The following DENND5A variants were observed in gnomAD, a reference collection of about 807,000 sequenced individuals.
The protein encoded by DENND5A is DENN domain-containing protein 5A.
In DENND5A, 64 loss-of-function variants were observed where a neutral mutation model predicts 140.3. That is an observed-to-expected ratio of 0.46 (90% CI 0.37 to 0.56). The LOEUF is 0.56. Ranked by LOEUF, DENND5A falls within the 20% of genes least tolerant of loss-of-function variation. The pLI is 0.00. For missense variants in DENND5A, 1,292 were observed against 1,593.8 expected (o/e 0.81, Z 3.22); for synonymous variants, 605 against 607.7 (o/e 1.00, Z 0.07).
chr11:9,257,059 G>A (rs1851977197), intron 1 of DENND5A, among the ~76,000 whole-genome samples: 1 of 152,062 alleles, frequency 6.6e-6, no homozygotes, highest in African/African-American at 2.4e-5. Flanking sequence ...CACTCAGGCT[G>A]GAGTGCAGTG....
At chr11:9,214,717 C>T (rs1459304788) in intron 1 of DENND5A, among the ~76,000 whole-genome samples, 3 of 151,918 alleles carry the variant, frequency 2.0e-5, no homozygotes, top group South Asian at 2.1e-4. Flanking sequence ...ACCCACAAGA[C>T]TTTTTTGTTT....
At position 9,204,002 on chromosome 11, in the gene DENND5A, C is replaced by T. The variant is rs763131185; in HGVS notation, c.607G>A (p.Val203Ile). ...SYDISRDTLY[V>I]SKCICLITPM... ...GTGATGAGGCAGATGCACTTAGAGA[C>T]GTAGAGAGTGTCCCGGCTAATGTCA... The change falls in exon 4 of 23, where the codon GTC becomes ATC. Residue 203 changes from valine (V) to isoleucine (I), a missense_variant. By Grantham distance (29) the Val-to-Ile change is conservative. Around this residue, in one of 4 missense-constraint regions of DENND5A, gnomAD observed 566 missense variants for 650.4 expected, o/e 0.87. Coordinates refer to ENST00000328194, the MANE Select transcript of DENND5A (RefSeq NM_015213.4). The T allele has an allele frequency of 5.0e-6, 8 of 1,614,110 alleles. No homozygotes were observed. The highest frequency in any genetic ancestry group is 6.8e-6 in the Non-Finnish European group (8 of 1,180,018).
At chr11:9,247,374 C>CT (rs1851522869) in intron 1 of DENND5A, among the ~76,000 whole-genome samples, 1 of 151,838 alleles carries the variant, frequency 6.6e-6, no homozygotes, top group African/African-American at 2.4e-5. Flanking sequence ...ATAACTGGTT[C>CT]TACTGCACTG....
chr11:9,236,497 A>C (rs1251676147), intron 1 of DENND5A, among the ~76,000 whole-genome samples: 5 of 152,072 alleles, frequency 3.3e-5, no homozygotes, highest in Admixed American at 3.3e-4. Context: ...GCACCACTGC[A>C]CTCCAGCCTG....
In DENND5A at chr11:9,203,849, G is replaced by T. The variant is rs746994477; in HGVS notation, c.760C>A (p.Pro254Thr). 1.2e-6 allele frequency: 2 copies of T among 1,614,058 alleles called. No individual in the cohort carries two copies. Among genetic ancestry groups the T allele is most frequent in the Non-Finnish European group, 1.7e-6 (2 of 1,180,032 alleles). The change falls in exon 4 of 23, where the codon CCA becomes ACA. Residue 254 changes from proline to threonine, a missense_variant. Around this residue, in one of 4 missense-constraint regions of DENND5A, gnomAD observed 566 missense variants for 650.4 expected, o/e 0.87. Transcript: ENST00000328194. ...AACTTCAAGGACCGGCCAGGAGGTGGGAGCGGCACCTCGTAGAGTACGTTG... is the reference window on the plus strand; with the variant it reads ...AACTTCAAGGACCGGCCAGGAGGTGTGAGCGGCACCTCGTAGAGTACGTTG... ...IYNVLYEVPL[P>T]PPGRSLKFSG...
intron 1 of DENND5A, among the ~76,000 whole-genome samples, chr11:9,257,560 C>G (rs1284651278): frequency 2.0e-5 from 3 of 148,750 alleles, no homozygotes; most frequent in Non-Finnish European, 4.4e-5. Context: ...CGGCTCACTG[C>G]AAGCTCCGCC....
intron 1 of DENND5A, among the ~76,000 whole-genome samples, chr11:9,233,059 G>A (rs1850837310): frequency 6.6e-6 from 1 of 152,136 alleles, no homozygotes; most frequent in Admixed American, 6.5e-5. Context: ...GTGGTGAGTG[G>A]GAAGGCAAAT....
Position 9,243,118 on chromosome 11 carries a change from T to TAAAAG in DENND5A, c.109+21842_109+21843insCTTTT. ...AAAAAAAAAAAACAAAAAAAAAAAC[T>TAAAAG]GAGGCGAGTAAGGCTAATTGGAATA... On this transcript the variant is annotated intron_variant, in intron 1 of 22. Transcript: ENST00000328194. Among the ~76,000 whole-genome samples the TAAAAG allele has an allele frequency of 2.6e-5, 2 of 77,500 alleles. 1 individual carries two copies. Among genetic ancestry groups the TAAAAG allele is most frequent in the South Asian group, 9.8e-4 (2 of 2,040 alleles). The allele number at this position is 77,500 out of a possible 152,430, so 50.8% of individuals were successfully genotyped here. A position where few individuals can be genotyped will look rare whatever the true frequency, so the allele number is the denominator to read the frequency against.
At chr11:9,217,531 T>A (rs761326306) in intron 1 of DENND5A, among the ~76,000 whole-genome samples, 1 of 152,004 alleles carries the variant, frequency 6.6e-6, no homozygotes, top group Admixed American at 6.6e-5. Flanking sequence ...AATTAATTAA[T>A]TAATTGCCCA....
chr11:9,255,188 AGAT>A (rs1167660795), intron 1 of DENND5A, among the ~76,000 whole-genome samples: 1 of 152,232 alleles, frequency 6.6e-6, no homozygotes, highest in East Asian at 1.9e-4. Flanking sequence ...ATAAACCAAT[AGAT>A]AAGTATTGGT....
At chr11:9,226,995 C>G (rs963300867) in intron 1 of DENND5A, among the ~76,000 whole-genome samples, 5 of 151,876 alleles carry the variant, frequency 3.3e-5, no homozygotes, top group African/African-American at 9.7e-5. Context: ...ATGGAGAAAC[C>G]CTGTCTCTAC....
At chr11:9,247,742 A>G (rs1851540435) in intron 1 of DENND5A, among the ~76,000 whole-genome samples, 1 of 152,114 alleles carries the variant, frequency 6.6e-6, no homozygotes, top group Non-Finnish European at 1.5e-5. Flanking sequence ...GATGGTAAAT[A>G]TCTCTTTTCA....
intron 4 of DENND5A, among the ~76,000 whole-genome samples, chr11:9,201,109 T>C (rs1395462600): frequency 1.3e-5 from 2 of 152,124 alleles, no homozygotes; most frequent in Non-Finnish European, 2.9e-5. Flanking sequence ...AGAAACACTC[T>C]TCATTATGGT....
intron 17 of DENND5A, 66 bp downstream of exon 17, chr11:9,145,604 A>G: frequency 6.3e-7 from 1 of 1,576,386 alleles, no homozygotes; most frequent in Non-Finnish European, 8.7e-7. Context: ...ACCCTGCAGA[A>G]AACTCCCCAA....
chr11:9,209,336 T>C (rs1257486210), intron 1 of DENND5A, among the ~76,000 whole-genome samples: 2 of 151,848 alleles, frequency 1.3e-5, no homozygotes, highest in African/African-American at 4.8e-5. Flanking sequence ...GAAAGCTGAG[T>C]GATTAAGGGG....
chr11:9,174,493 A>G (rs916748473), intron 8 of DENND5A, among the ~76,000 whole-genome samples: 1 of 150,678 alleles, frequency 6.6e-6, no homozygotes, highest in Non-Finnish European at 1.5e-5. Flanking sequence ...AAAGAATATT[A>G]CTCTGAATAA....
chr11:9,144,195 T>A lies in DENND5A; in HGVS notation c.3206A>T (p.Gln1069Leu). 6.2e-7 allele frequency: 1 copy of A among 1,614,184 alleles called. No individual in the cohort carries two copies. The highest frequency in any genetic ancestry group is 8.5e-7 in the Non-Finnish European group (1 of 1,180,028). ...GCATGGCCTCTCATCCACCTCAGGC[T>A]GGGATGTGAGCAGCTCCCCAACTAG... ...RILVGELLTS[Q>L]PEVDERPCRT... The change falls in exon 19 of 23, where the codon CAG (glutamine) becomes CTG (leucine). Residue 1069 changes from glutamine to leucine, a missense_variant. Transcript: ENST00000328194.
intron 11 of DENND5A, among the ~76,000 whole-genome samples, chr11:9,161,156 G>A (rs1239497868): frequency 1.3e-5 from 2 of 152,254 alleles, no homozygotes; most frequent in African/African-American, 2.4e-5. Flanking sequence ...GACCATCCTG[G>A]CTAACACGGT....
At chr11:9,215,214 T>C (rs1850042352) in intron 1 of DENND5A, among the ~76,000 whole-genome samples, 1 of 152,228 alleles carries the variant, frequency 6.6e-6, no homozygotes, top group Admixed American at 6.5e-5. Flanking sequence ...TTATTTTTAT[T>C]GATGTTTTGC....
Sources: gnomAD v4.1 joint callset for allele counts (sites outside exome capture counted in the v4.1 genomes callset) on GRCh38, gnomAD v4.1.1 for gene constraint, gnomAD v4.1.1 regional missense constraint, MANE v1.5 for transcripts, NCBI Gene and HGNC (gene_info 2026-07-23, HGNC 2026-07-21) for gene names.